MAP4K3: variants seen among roughly 807,000 people sequenced by gnomAD.
MAP4K3 encodes the protein mitogen-activated protein kinase kinase kinase kinase 3.
MAP4K3 carries 94 observed loss-of-function variants against 143.5 expected under a neutral mutation model. The ratio of observed to expected loss-of-function variants is 0.65; its 90% CI spans 0.55 to 0.78. MAP4K3 has a LOEUF of 0.78. Among genes scored for constraint, MAP4K3 ranks in the 30% least tolerant of loss-of-function variants. The probability of loss-of-function intolerance (pLI) is 0.00; values close to 1 mark genes in which losing one functional copy is unlikely to be tolerated. For missense variants in MAP4K3, 1,077 were observed against 1,068.1 expected (o/e 1.01, Z -0.12); for synonymous variants, 416 against 347.2 (o/e 1.20, Z -2.20).
At chr2:39,306,784 T>C (rs1299919180) in intron 15 of MAP4K3, among the ~76,000 whole-genome samples, 7 of 152,222 alleles carry the variant, frequency 4.6e-5, no homozygotes, top group African/African-American at 1.7e-4. Context: ...ATCTACAATG[T>C]TCCTACACAA....
intron 1 of MAP4K3, among the ~76,000 whole-genome samples, chr2:39,423,469 A>G (rs1431687479): frequency 2.0e-5 from 3 of 152,244 alleles, no homozygotes; most frequent in Non-Finnish European, 4.4e-5. Flanking sequence ...CTACACATGG[A>G]TATTTATAGC....
At chr2:39,366,414 G>A (rs1394781151) in intron 2 of MAP4K3, among the ~76,000 whole-genome samples, 1 of 152,188 alleles carries the variant, frequency 6.6e-6, no homozygotes, top group Non-Finnish European at 1.5e-5. Context: ...GTTTTATCAT[G>A]CAGATGAAAC....
intron 8 of MAP4K3, among the ~76,000 whole-genome samples, chr2:39,328,987 G>A (rs992880070): frequency 2.9e-4 from 44 of 152,120 alleles, no homozygotes; most frequent in Non-Finnish European, 5.9e-5. Flanking sequence ...GGAAGAGAGA[G>A]GTTCTAAAGT....
chr2:39,306,586 T>C (rs1428930353), intron 15 of MAP4K3, among the ~76,000 whole-genome samples: 1 of 152,246 alleles, frequency 6.6e-6, no homozygotes, highest in African/African-American at 2.4e-5. Context: ...TGCAATTTCA[T>C]GGCTTCATCT....
intron 2 of MAP4K3, among the ~76,000 whole-genome samples, chr2:39,366,708 C>A (rs774585169): frequency 1.3e-5 from 2 of 152,154 alleles, no homozygotes; most frequent in Non-Finnish European, 2.9e-5. Context: ...GGCTAACATT[C>A]CAACTTCTCT....
intron 24 of MAP4K3, among the ~76,000 whole-genome samples, chr2:39,273,085 T>C (rs1006558782): frequency 6.6e-6 from 1 of 152,146 alleles, no homozygotes; most frequent in African/African-American, 2.4e-5. Context: ...TGAAATTTAT[T>C]ACTAAAATTT....
At chr2:39,327,396 TCTTTA>T (rs1683530175) in intron 8 of MAP4K3, among the ~76,000 whole-genome samples, 1 of 152,258 alleles carries the variant, frequency 6.6e-6, no homozygotes, top group South Asian at 2.1e-4. Flanking sequence ...TTTTTGTTTC[TCTTTA>T]CTTTGCTACA....
chr2:39,368,063 A>G (rs1001079446), intron 2 of MAP4K3, among the ~76,000 whole-genome samples: 1 of 152,104 alleles, frequency 6.6e-6, no homozygotes, highest in African/African-American at 2.4e-5. Context: ...CTCTTTTGAG[A>G]GCCAGGTTTA....
intron 6 of MAP4K3, among the ~76,000 whole-genome samples, chr2:39,336,473 A>T (rs961043019): frequency 2.3e-4 from 13 of 57,556 alleles, no homozygotes; most frequent in Middle Eastern, 8.2e-3. Flanking sequence ...CTCCATCTCA[A>T]AAAAAAAAAA....
chr2:39,253,027 G>C (rs1305617188), intron 32 of MAP4K3, among the ~76,000 whole-genome samples: 1 of 152,198 alleles, frequency 6.6e-6, no homozygotes, highest in East Asian at 1.9e-4. Context: ...TCTCTGACTA[G>C]TGTTTATTAG....
intron 1 of MAP4K3, among the ~76,000 whole-genome samples, chr2:39,414,651 G>A (rs981082425): frequency 1.1e-4 from 16 of 152,088 alleles, no homozygotes; most frequent in South Asian, 2.1e-4. Context: ...CCAGGTGGGC[G>A]GATCACGACA....
At chr2:39,351,528 T>TCATA (rs10669578) in intron 3 of MAP4K3, among the ~76,000 whole-genome samples, 1 of 151,890 alleles carries the variant, frequency 6.6e-6, no homozygotes, top group East Asian at 1.9e-4. Flanking sequence ...TTAGATATCT[T>TCATA]TCTGTGGAAA....
chr2:39,424,344 A>C (rs1664993052), intron 1 of MAP4K3, among the ~76,000 whole-genome samples: 1 of 152,096 alleles, frequency 6.6e-6, no homozygotes, highest in Non-Finnish European at 1.5e-5. Context: ...AATTAGAATC[A>C]AGGTGGGAGG....
chr2:39,348,500 C>A (rs1001969298), intron 3 of MAP4K3, among the ~76,000 whole-genome samples: 1 of 152,152 alleles, frequency 6.6e-6, no homozygotes, highest in African/African-American at 2.4e-5. Context: ...CCATGAATAT[C>A]TTTCTTATAA....
chr2:39,288,359 G>C (rs12473473), intron 19 of MAP4K3, 79 bp from the exon 20 acceptor site: 46,660 of 1,312,276 alleles, frequency 0.036, 1,047 homozygotes, highest in Non-Finnish European at 0.043. Context: ...TACATTAAAA[G>C]CTTTCAAATT....
intron 27 of MAP4K3, among the ~76,000 whole-genome samples, chr2:39,265,978 C>G (rs562926511): frequency 8.5e-5 from 13 of 152,196 alleles, no homozygotes; most frequent in Admixed American, 2.0e-4. Flanking sequence ...AGGGGAACAG[C>G]AGTAAAGTTC....
At chr2:39,282,194 CA>C (rs58168334) in intron 22 of MAP4K3, among the ~76,000 whole-genome samples, 211 of 106,076 alleles carry the variant, frequency 2.0e-3, no homozygotes, top group Middle Eastern at 5.3e-3. Flanking sequence ...GACTCCGTCT[CA>C]AAAAAAAAAA....
intron 16 of MAP4K3, among the ~76,000 whole-genome samples, chr2:39,297,242 C>A (rs1331335268): frequency 6.6e-6 from 1 of 151,964 alleles, no homozygotes; most frequent in Non-Finnish European, 1.5e-5. Context: ...CTCAGCCTCC[C>A]GAGTAGCTGG....
intron 1 of MAP4K3, among the ~76,000 whole-genome samples, chr2:39,397,137 A>G (rs905501905): frequency 6.6e-6 from 1 of 152,218 alleles, no homozygotes; most frequent in Non-Finnish European, 1.5e-5. Flanking sequence ...ATCATGCTAC[A>G]TATCTAAACC....
Sources: allele counts gnomAD v4.1 joint callset (sites outside exome capture counted in the v4.1 genomes callset), GRCh38; gene constraint gnomAD v4.1.1; transcripts MANE v1.5; gene names NCBI Gene and HGNC (gene_info 2026-07-23, HGNC 2026-07-21).